TYW1: variants seen among roughly 807,000 people sequenced by gnomAD.
TYW1 encodes tRNA-yW synthesizing protein 1 homolog.
Under a neutral mutation model 96.2 loss-of-function variants are expected in TYW1, and 46 were observed. The ratio of observed to expected loss-of-function variants is 0.48; its 90% CI spans 0.38 to 0.61. The LOEUF is 0.61. Among genes scored for constraint, TYW1 ranks in the 20% least tolerant of loss-of-function variants. The pLI is 0.00. For synonymous variants in TYW1, 274 were observed against 323.0 expected, an observed-to-expected ratio of 0.85 and a Z score of 1.63; for missense variants, 684 against 909.6, an observed-to-expected ratio of 0.75 and a Z score of 3.19.
chr7:67,171,576 A>G (rs1185508938), intron 13 of TYW1, among the ~76,000 whole-genome samples: 1 of 152,190 alleles, frequency 6.6e-6, no homozygotes, highest in Non-Finnish European at 1.5e-5. Flanking sequence ...AGATGTGTAC[A>G]AATGTTCCAT....
chr7:67,008,410 C>A (rs1453018538), intron 3 of TYW1, among the ~76,000 whole-genome samples: 1 of 152,208 alleles, frequency 6.6e-6, no homozygotes, highest in African/African-American at 2.4e-5. Context: ...GTAGGAGGTG[C>A]TGAGTTTAAC....
chr7:67,210,494 T>C (rs900394635), intron 15 of TYW1, among the ~76,000 whole-genome samples: 1 of 152,218 alleles, frequency 6.6e-6, no homozygotes, highest in Non-Finnish European at 1.5e-5. Flanking sequence ...GTGTGGTCCA[T>C]ATCCAAGGGG....
intron 14 of TYW1, among the ~76,000 whole-genome samples, chr7:67,193,248 A>G (rs575360538): frequency 6.6e-6 from 1 of 152,300 alleles, no homozygotes; most frequent in South Asian, 2.1e-4. Context: ...TGAATTCTCT[A>G]AATCACCGGG....
At chr7:67,167,445 G>C (rs1799373243) in intron 13 of TYW1, among the ~76,000 whole-genome samples, 1 of 142,216 alleles carries the variant, frequency 7.0e-6, no homozygotes, top group South Asian at 2.3e-4. Context: ...CTCCAGCCTG[G>C]GCGACAGAGA....
intron 15 of TYW1, among the ~76,000 whole-genome samples, chr7:67,218,303 A>G (rs1801266977): frequency 6.6e-6 from 1 of 151,324 alleles, no homozygotes; most frequent in Non-Finnish European, 1.5e-5. Flanking sequence ...AATTTGAAGT[A>G]TTTTATTATT....
chr7:67,055,182 G>A (rs1015578945), intron 8 of TYW1, among the ~76,000 whole-genome samples: 2 of 152,178 alleles, frequency 1.3e-5, no homozygotes, highest in Non-Finnish European at 2.9e-5. Flanking sequence ...GGCTCTGTAT[G>A]TTTTTGGTCA....
chr7:67,174,722 G>A (rs1385311778), intron 13 of TYW1, among the ~76,000 whole-genome samples: 10 of 150,656 alleles, frequency 6.6e-5, no homozygotes, highest in East Asian at 3.9e-4. Context: ...ATAAAAAAGC[G>A]GAAGTTGGTT....
intron 10 of TYW1, 76 bp downstream of exon 10, chr7:67,067,479 G>C: frequency 6.6e-7 from 1 of 1,523,552 alleles, no homozygotes; most frequent in South Asian, 1.1e-5. Context: ...CTCACACTCA[G>C]ACTTACCTAA....
chr7:67,164,491 G>GTTCC (rs1360199373), intron 13 of TYW1, among the ~76,000 whole-genome samples: 1 of 151,888 alleles, frequency 6.6e-6, no homozygotes, highest in Non-Finnish European at 1.5e-5. Flanking sequence ...TGTGCCTGTA[G>GTTCC]TTCCAGCTAC....
intron 15 of TYW1, among the ~76,000 whole-genome samples, chr7:67,210,325 A>G (rs1402584353): frequency 1.3e-5 from 2 of 152,172 alleles, no homozygotes; most frequent in Admixed American, 6.5e-5. Flanking sequence ...TTTTCATCAC[A>G]TCATGTCAAG....
chr7:67,108,294 C>T (rs567502143), intron 12 of TYW1, among the ~76,000 whole-genome samples: 1 of 151,894 alleles, frequency 6.6e-6, no homozygotes, highest in Non-Finnish European at 1.5e-5. Flanking sequence ...CTACAAAGGG[C>T]GAGGAACAGT....
rs532767924 is a variant in TYW1, at chr7:67,209,875, A to AT, written c.1977+14548dup. 2.9e-3 allele frequency among the ~76,000 whole-genome samples: 429 copies of AT among 149,906 alleles called. 2 individuals carry two copies. The highest frequency in any genetic ancestry group is 5.0e-3 in the African/African-American group (206 of 40,870). Reference sequence around the variant, plus strand: ...GCATGAGCACTGCACCTGGCCAATTATTTTTTTTTTCAATAGACTTTATGT... The same window carrying AT: ...GCATGAGCACTGCACCTGGCCAATTATTTTTTTTTTTCAATAGACTTTATGT... On this transcript the variant is annotated intron_variant, in intron 15 of 15. Transcript: ENST00000359626.
chr7:67,231,485 T>G (rs1801746763), intron 15 of TYW1, among the ~76,000 whole-genome samples: 1 of 152,252 alleles, frequency 6.6e-6, no homozygotes, highest in Non-Finnish European at 1.5e-5. Flanking sequence ...GAAACTGGCA[T>G]GTAAAAAGTA....
rs188314151 is a variant in TYW1, at chr7:67,233,912, C to T, written c.1978-4396C>T. On this transcript the variant is annotated intron_variant, in intron 15 of 15. Transcript: ENST00000359626. ...CTTAAGGACTGAATGTTTGTGGCCC[C>T]CCTCCCCTCCCAAGTTCATAGGTTG... Among the ~76,000 whole-genome samples the T allele has an allele frequency of 2.2e-3, 300 of 135,386 alleles. 68 individuals are homozygous for T. The highest frequency in any genetic ancestry group is 3.5e-3 in the Non-Finnish European group (219 of 62,964). The allele number at this position is 135,386 out of a possible 152,430, so 88.8% of individuals were successfully genotyped here. A position where few individuals can be genotyped will look rare whatever the true frequency, so the allele number is the denominator to read the frequency against.
chr7:67,109,292 A>AAAAG (rs1554366275), intron 12 of TYW1, among the ~76,000 whole-genome samples: 13 of 148,304 alleles, frequency 8.8e-5, no homozygotes, highest in African/African-American at 3.1e-4. Flanking sequence ...AAAAAAAAAA[A>AAAAG]AAAGAAAGAA....
At chr7:67,106,801 C>T (rs1244353025) in intron 12 of TYW1, among the ~76,000 whole-genome samples, 1 of 152,126 alleles carries the variant, frequency 6.6e-6, no homozygotes, top group Non-Finnish European at 1.5e-5. Context: ...TACTGTAAAT[C>T]TAAAGCTTTT....
intron 10 of TYW1, 89 bp downstream of exon 10, chr7:67,067,492 G>T (rs1431347012): frequency 3.5e-6 from 5 of 1,420,988 alleles, no homozygotes; most frequent in African/African-American, 1.4e-5. Flanking sequence ...TTACCTAAGA[G>T]CTCTGCTGTC....
intron 13 of TYW1, among the ~76,000 whole-genome samples, chr7:67,159,416 C>G (rs564507787): frequency 1.3e-5 from 2 of 152,280 alleles, no homozygotes; most frequent in African/African-American, 4.8e-5. Context: ...CACATTCTTA[C>G]ATGATGAAGT....
chr7:67,015,671 T>C (rs1256802723), intron 5 of TYW1, among the ~76,000 whole-genome samples: 3 of 152,084 alleles, frequency 2.0e-5, no homozygotes, highest in Non-Finnish European at 4.4e-5. Flanking sequence ...TAAGAAATCA[T>C]GAAATTTTTG....
Sources: gnomAD v4.1 joint callset for allele counts (sites outside exome capture counted in the v4.1 genomes callset) on GRCh38, gnomAD v4.1.1 for gene constraint, MANE v1.5 for transcripts, NCBI Gene and HGNC (gene_info 2026-07-23, HGNC 2026-07-21) for gene names.